Variants in VWA3A observed in about 807,000 individuals in gnomAD.
The protein encoded by VWA3A is von Willebrand factor A domain-containing protein 3A.
Under a neutral mutation model 160.4 loss-of-function variants are expected in VWA3A, and 134 were observed. The observed-to-expected ratio is 0.84, with a 90% confidence interval of 0.73 to 0.96. The LOEUF is 0.96. VWA3A is among the 40% of genes least tolerant of loss of function. The pLI is 0.00. For synonymous variants in VWA3A, 476 were observed against 543.4 expected (o/e 0.88, Z 1.72); for missense variants, 1,310 against 1,447.9 (o/e 0.90, Z 1.55).
intron 25 of VWA3A, 42 bp downstream of exon 25, chr16:22,142,807 G>C (rs1328076649): frequency 1.2e-5 from 17 of 1,425,604 alleles, no homozygotes; most frequent in Non-Finnish European, 1.5e-5. Context: ...TTAAGCAATA[G>C]AGTAGTTCTG....
intron 8 of VWA3A, among the ~76,000 whole-genome samples, chr16:22,113,630 G>C (rs961723000): frequency 6.7e-6 from 1 of 150,004 alleles, no homozygotes; most frequent in African/African-American, 2.4e-5. Context: ...ACAAGGTCTT[G>C]CTCTGTCACC....
At chr16:22,148,840 A>T (rs1291521150) in intron 28 of VWA3A, among the ~76,000 whole-genome samples, 1 of 152,178 alleles carries the variant, frequency 6.6e-6, no homozygotes, top group East Asian at 1.9e-4. Flanking sequence ...ACAGCAAAGG[A>T]ACTACCATGT....
intron 11 of VWA3A, among the ~76,000 whole-genome samples, chr16:22,117,805 C>T (rs951015893): frequency 1.3e-5 from 2 of 152,164 alleles, no homozygotes; most frequent in African/African-American, 4.8e-5. Flanking sequence ...GTGTTTGCAT[C>T]TCACAAGTGA....
chr16:22,126,860 A>T (rs1225368782), intron 17 of VWA3A, among the ~76,000 whole-genome samples: 1 of 151,750 alleles, frequency 6.6e-6, no homozygotes, highest in African/African-American at 2.4e-5. Flanking sequence ...TAAATAAATA[A>T]AATTATATGT....
intron 21 of VWA3A, 122 bp downstream of exon 21, chr16:22,134,560 C>T: frequency 1.2e-6 from 1 of 830,210 alleles, no homozygotes; most frequent in Non-Finnish European, 1.8e-6. Flanking sequence ...CTTCCAGAGG[C>T]TGGAAGTCTG....
At chr16:22,125,300 C>A (rs1727928701) in intron 16 of VWA3A, among the ~76,000 whole-genome samples, 1 of 151,882 alleles carries the variant, frequency 6.6e-6, no homozygotes, top group South Asian at 2.1e-4. Flanking sequence ...GCAGGAGGAT[C>A]TCTTGAGCCC....
chr16:22,151,519 G>A (rs928303152), intron 30 of VWA3A, among the ~76,000 whole-genome samples: 1 of 152,160 alleles, frequency 6.6e-6, no homozygotes, highest in Non-Finnish European at 1.5e-5. Flanking sequence ...AAAAGCCAGA[G>A]AGAAAAATAT....
At chr16:22,140,303 G>C in intron 23 of VWA3A, 59 bp downstream of exon 23, 4 of 1,529,948 alleles carry the variant, frequency 2.6e-6, no homozygotes, top group Non-Finnish European at 3.6e-6. Context: ...GCTGAGGCAT[G>C]GGTTAATAAT....
chr16:22,102,813 C>T (rs1307605703), intron 5 of VWA3A, among the ~76,000 whole-genome samples: 2 of 152,196 alleles, frequency 1.3e-5, no homozygotes, highest in Non-Finnish European at 1.5e-5. Flanking sequence ...CACCCTCCCC[C>T]ACCCTCCACA....
chr16:22,102,570 G>A (rs1313661819), intron 5 of VWA3A, among the ~76,000 whole-genome samples: 1 of 152,106 alleles, frequency 6.6e-6, no homozygotes, highest in Non-Finnish European at 1.5e-5. Flanking sequence ...TATGATATAT[G>A]CTAGTCTTCA....
intron 31 of VWA3A, among the ~76,000 whole-genome samples, chr16:22,154,319 T>C (rs1223925738): frequency 7.0e-6 from 1 of 143,600 alleles, no homozygotes; most frequent in East Asian, 2.1e-4. Flanking sequence ...TCTTTTTTCT[T>C]TTTCTTTTTT....
At chr16:22,148,067 A>G (rs2046284799) in intron 27 of VWA3A, 95 bp from the exon 28 acceptor site, 1 of 1,423,326 alleles carries the variant, frequency 7.0e-7, no homozygotes, top group African/African-American at 1.4e-5. Context: ...CAGGTGTCAC[A>G]AGACTTTATA....
chr16:22,113,783 G>A (rs907861251), intron 8 of VWA3A, among the ~76,000 whole-genome samples: 7 of 151,314 alleles, frequency 4.6e-5, no homozygotes, highest in African/African-American at 1.7e-4. Context: ...CTTTTTTGTG[G>A]AGATGGGGTC....
At chr16:22,112,439 C>T (rs2045566297) in intron 8 of VWA3A, among the ~76,000 whole-genome samples, 1 of 152,182 alleles carries the variant, frequency 6.6e-6, no homozygotes, top group African/African-American at 2.4e-5. Flanking sequence ...CATGCTTTGG[C>T]CAGGGCCAGT....
chr16:22,122,476 G>A (rs1384972915), intron 14 of VWA3A, among the ~76,000 whole-genome samples: 1 of 152,162 alleles, frequency 6.6e-6, no homozygotes, highest in East Asian at 1.9e-4. Flanking sequence ...TGAAAGGATG[G>A]AGAAATGGAA....
chr16:22,137,895 G>A (rs957475890), intron 21 of VWA3A, among the ~76,000 whole-genome samples: 4 of 152,152 alleles, frequency 2.6e-5, no homozygotes, highest in East Asian at 3.8e-4. Flanking sequence ...GAGGAACAAC[G>A]GGGATGCAAA....
At chr16:22,105,805 T>A (rs1269819216) in intron 6 of VWA3A, among the ~76,000 whole-genome samples, 2 of 152,164 alleles carry the variant, frequency 1.3e-5, no homozygotes, top group East Asian at 1.9e-4. Flanking sequence ...GTTTTTAATT[T>A]AAAAAAATAG....
In VWA3A at chr16:22,097,652, A is replaced by G. The variant is rs1237191708; in HGVS notation, c.182A>G (p.Asn61Ser). 1.0e-5 allele frequency: 16 copies of G among 1,551,628 alleles called. No individual in the cohort carries two copies. The highest frequency in any genetic ancestry group is 5.5e-5 in the African/African-American group (4 of 73,038). The change falls in exon 3 of 34, where the codon AAT (asparagine) becomes AGT (serine). Residue 61 changes from asparagine (N) to serine (S), a missense_variant. Physicochemically the swap from Asn to Ser is conservative, Grantham distance 46 (BLOSUM62 1). Coordinates refer to ENST00000389398, the MANE Select transcript of VWA3A (RefSeq NM_173615.5). Reference protein sequence around the residue: ...NMNGLGQNSDNGLLVTHVNQT... With the variant: ...NMNGLGQNSDSGLLVTHVNQT... ...AATGGACTTGGGCAAAATTCGGACAATGGATTATTGGTTACACATGTTAAC... is the reference window on the plus strand; with the variant it reads ...AATGGACTTGGGCAAAATTCGGACAGTGGATTATTGGTTACACATGTTAAC...
chr16:22,147,664 C>A, intron 27 of VWA3A: 1 of 702,852 alleles, frequency 1.4e-6, no homozygotes, highest in Non-Finnish European at 2.6e-6. Flanking sequence ...AGGTCAGAGG[C>A]TGAGCTGGGA....
Sources: gnomAD v4.1 joint callset for allele counts (sites outside exome capture counted in the v4.1 genomes callset) on GRCh38, gnomAD v4.1.1 for gene constraint, MANE v1.5 for transcripts, NCBI Gene and HGNC (gene_info 2026-07-23, HGNC 2026-07-21) for gene names.